The following INTS11 variants were observed in gnomAD, a reference collection of about 807,000 sequenced individuals.
INTS11 encodes CPSF3-like protein.
Under a neutral mutation model 78.6 loss-of-function variants are expected in INTS11, and 77 were observed. The ratio of observed to expected loss-of-function variants is 0.98; its 90% CI spans 0.81 to 1.18. INTS11 has a LOEUF of 1.18. Ranked by LOEUF, INTS11 falls within the 50% of genes most tolerant of loss-of-function variation. The pLI is 0.00. For synonymous variants in INTS11, 441 were observed against 326.9 expected (o/e 1.35, Z -3.77); for missense variants, 875 against 825.9 (o/e 1.06, Z -0.73).
rs778336713 is a variant in INTS11 at position 1,312,900 on chromosome 1, T to A, written c.1181A>T (p.Asp394Val). 2.5e-6 allele frequency: 4 copies of A among 1,612,584 alleles called. No homozygotes were observed. Among genetic ancestry groups the A allele is most frequent in the Non-Finnish European group, 3.4e-6 (4 of 1,179,840 alleles). The change falls in exon 12 of 17, where the codon GAC (aspartate) becomes GTC (valine). Residue 394 changes from aspartate (D) to valine (V), a missense_variant. By Grantham distance (152) the Asp-to-Val change is radical. Transcript: ENST00000435064. ...VEYMSFSAHA[D>V]AKGIMQLVGQ... ...CACCAGCTGCATGATGCCCTTGGCG[T>A]CCGCGTGTGCGCTGAATGACATGTA...
chr1:1,312,297 G>A lies in INTS11; in HGVS notation c.1536C>T (p.Thr512=), dbSNP rs1398794806. Residue 512 remains threonine (T), a synonymous_variant, in exon 15 of 17, where the codon ACC becomes ACT. Coordinates refer to ENST00000435064, the MANE Select transcript of INTS11 (RefSeq NM_017871.6). ...GTGTGTCATGCAGGTGCACGCGGCAGGTGAAGCGCAGCTGGTGCTCAGCCA... is the reference window on the plus strand; with the variant it reads ...GTGTGTCATGCAGGTGCACGCGGCAAGTGAAGCGCAGCTGGTGCTCAGCCA... ...LGLAEHQLRF[T]CRVHLHDTRK... 22 of 1,550,826 alleles carry A rather than the reference G, an allele frequency of 1.4e-5. No individual in the cohort carries two copies. The highest frequency in any genetic ancestry group is 1.8e-5 in the Non-Finnish European group (21 of 1,147,260).
chr1:1,322,516 C>T (rs184608968), intron 1 of INTS11, among the ~76,000 whole-genome samples: 16 of 114,158 alleles, frequency 1.4e-4, no homozygotes, highest in Non-Finnish European at 2.2e-4. Context: ...GAGACTGCTC[C>T]GAGAAGCCAA....
Position 1,314,209 on chromosome 1 carries a change from G to T in INTS11, c.767+92C>A. ...GGACAGCAGCAAGCAGGGCCAAGAT[G>T]CCACCGCTACGCTGGACAGGGCTGC... On this transcript the variant is annotated intron_variant, in intron 8 of 16. Transcript: ENST00000435064. This position sits in a 1 kb window ranked among gnomAD's most constrained non-coding sequence, Gnocchi z 4.2. The T allele has an allele frequency of 8.2e-7, 1 of 1,226,312 alleles. No individual in the cohort carries two copies. The highest frequency in any genetic ancestry group is 1.2e-6 in the Non-Finnish European group (1 of 851,870). 76.0% of individuals were successfully genotyped at this position (1,226,312 alleles called of 1,614,324 possible).
chr1:1,314,320 T>A lies in INTS11; in HGVS notation c.748A>T (p.Ile250Phe). ...FALGRAQELC[I>F]LLETFWERMN... ...ACCTACCAGAAGGTCTCCAGGAGGA[T>A]GCAGAGCTCCTGGGCGCGGCCCAGC... Residue 250 changes from isoleucine (I) to phenylalanine (F), a missense_variant, in exon 8 of 17, where the codon ATC (isoleucine) becomes TTC (phenylalanine). Physicochemically the swap from Ile to Phe is conservative, Grantham distance 21 (BLOSUM62 0). Transcript: ENST00000435064. The surrounding 1 kb of genome is among the most constrained non-coding windows in gnomAD (Gnocchi z 4.2). 6.2e-7 allele frequency: 1 copy of A among 1,605,150 alleles called. No individual in the cohort carries two copies. The highest frequency in any genetic ancestry group is 1.7e-5 in the Admixed American group (1 of 58,782).
Position 1,321,059 on chromosome 1 carries a change from C to G in INTS11, c.63G>C (p.Leu21=). 1 of 1,612,792 alleles carries G rather than the reference C, an allele frequency of 6.2e-7. No homozygotes were observed. Among genetic ancestry groups the G allele is most frequent in the Non-Finnish European group, 8.5e-7 (1 of 1,179,698 alleles). Residue 21 remains leucine, a synonymous_variant, in exon 2 of 17, where the codon CTG becomes CTC. Coordinates refer to ENST00000435064, the MANE Select transcript of INTS11 (RefSeq NM_017871.6). ...AGQDVGRSCI[L]VSIAGKNVML... ...TGACATTCTTGCCCGCAATGGAGAC[C>G]AGGATGCAGCTTCGGCCCACGTCCT... is the stretch of plus-strand genomic sequence containing the variant.
At chr1:1,313,984 G>A (rs1381837452) in intron 8 of INTS11, 63 bp from the exon 9 acceptor site, 34 of 1,534,268 alleles carry the variant, frequency 2.2e-5, no homozygotes, top group Middle Eastern at 1.7e-4. Context: ...GGCAGGACTC[G>A]GCCGGGTCAC....
rs1471622980 is a variant in INTS11 at position 1,311,833 on chromosome 1, G to A, written c.*26C>T. On this transcript the variant is annotated 3_prime_UTR_variant, in exon 17 of 17. Transcript: ENST00000435064. ...GTCTGTCCAGCTGGGAGAGGGCAGA[G>A]GTGGCGGCTGGGTGAGTTGCCGGCC... 2.6e-6 allele frequency: 4 copies of A among 1,537,102 alleles called. No individual in the cohort carries two copies. In the African/African-American group the frequency reaches 5.5e-5, roughly 21 times the overall value.
chr1:1,315,007 A>G, intron 6 of INTS11, 45 bp from the exon 7 acceptor site: 1 of 1,596,046 alleles, frequency 6.3e-7, no homozygotes, highest in Non-Finnish European at 8.6e-7. Flanking sequence ...CACTGTCCCC[A>G]CGGTTGCAGG....
chr1:1,316,934 AAAT>A (rs962736725), intron 4 of INTS11: 4 of 151,912 alleles, frequency 2.6e-5, no homozygotes, highest in African/African-American at 9.7e-5. Context: ...AAAAAAAAAT[AAAT>A]AAATAAAATT....
Position 1,312,213 on chromosome 1 carries a change from G to GGGGCCCCCCCCCCC in INTS11, c.1607+12_1607+13insGGGGGGGGGGGCCC. The GGGGCCCCCCCCCCC allele has an allele frequency of 6.4e-6, 6 of 934,514 alleles. No individual in the cohort carries two copies. The highest frequency in any genetic ancestry group is 7.9e-6 in the Non-Finnish European group (5 of 636,586). The allele number at this position is 934,514 out of a possible 1,614,324, so 57.9% of individuals were successfully genotyped here. Reference sequence around the variant, plus strand: ...CCCAAGGGAGTGGGGGGGGGGCGGGGCCGGGCGCCCACCTCTTGAGGTGGC... The same window carrying GGGGCCCCCCCCCCC: ...CCCAAGGGAGTGGGGGGGGGGCGGGGGGGCCCCCCCCCCCCCGGGCGCCCACCTCTTGAGGTGGC... On this transcript the variant is annotated intron_variant, in intron 15 of 16. Transcript: ENST00000435064.
At chr1:1,321,158 T>C in intron 1 of INTS11, 65 bp from the exon 2 acceptor site, 1 of 1,306,754 alleles carries the variant, frequency 7.7e-7, no homozygotes, top group Non-Finnish European at 1.1e-6. Context: ...CTCCCCAAGC[T>C]CTGCAGGACC....
intron 3 of INTS11, chr1:1,319,744 G>C: frequency 1.8e-6 from 1 of 569,480 alleles, no homozygotes; most frequent in South Asian, 2.2e-5. Context: ...TGAACACGTC[G>C]GTGACGGCGA....
chr1:1,323,785 G>C (rs972780851), intron 1 of INTS11, among the ~76,000 whole-genome samples: 1 of 141,982 alleles, frequency 7.0e-6, no homozygotes, highest in Non-Finnish European at 1.5e-5. Flanking sequence ...GGTAGAACAA[G>C]AGCTAAAGTG....
chr1:1,312,213 G>GGGCGGCC lies in INTS11; in HGVS notation c.1607+12_1607+13insGGCCGCC. ...CCCAAGGGAGTGGGGGGGGGGCGGG[G>GGGCGGCC]CCGGGCGCCCACCTCTTGAGGTGGC... On this transcript the variant is annotated intron_variant, in intron 15 of 16. Coordinates refer to ENST00000435064, the MANE Select transcript of INTS11 (RefSeq NM_017871.6). 1 of 934,628 alleles carries GGGCGGCC rather than the reference G, an allele frequency of 1.1e-6. No homozygotes were observed. Among genetic ancestry groups the GGGCGGCC allele is most frequent in the East Asian group, 2.9e-5 (1 of 34,242 alleles). The allele number at this position is 934,628 out of a possible 1,614,324, so 57.9% of individuals were successfully genotyped here. A position where few individuals can be genotyped will look rare whatever the true frequency, so the allele number is the denominator to read the frequency against.
chr1:1,312,539 C>T (rs568291011), intron 13 of INTS11, 38 bp from the exon 14 acceptor site: 32 of 1,577,198 alleles, frequency 2.0e-5, no homozygotes, highest in East Asian at 7.0e-5. Context: ...ATGTGAGGGC[C>T]GCTCCCAGCC....
chr1:1,313,289 C>T lies in INTS11; in HGVS notation c.1042-165G>A, dbSNP rs941225091. 7 of 914,294 alleles carry T rather than the reference C, an allele frequency of 7.7e-6. No individual in the cohort carries two copies. The African/African-American group carries it at 1.1e-4, about 15-fold the overall frequency. 56.6% of individuals were successfully genotyped at this position (914,294 alleles called of 1,614,324 possible). On this transcript the variant is annotated intron_variant, in intron 10 of 16. Transcript: ENST00000435064. ...AAAGGGCTCAGGTTTTGGCACAAGA[C>T]TGTCCAGGGCTGGGCTGGGGCTGTT...
Position 1,320,649 on chromosome 1 carries a change from A to C in INTS11, c.127-120T>G, listed in dbSNP as rs767144976. 17 of 1,002,058 alleles carry C rather than the reference A, an allele frequency of 1.7e-5. No individual in the cohort carries two copies. The African/African-American group carries it at 2.7e-4, about 16-fold the overall frequency. The allele number at this position is 1,002,058 out of a possible 1,614,324, so 62.1% of individuals were successfully genotyped here. On this transcript the variant is annotated intron_variant, in intron 2 of 16. Transcript: ENST00000435064. Reference sequence around the variant, plus strand: ...TTCTATGTGCAGACTCAGGCTGGGCACTCCCATCCCGCAGGTGGCACCAGG... The same window carrying C: ...TTCTATGTGCAGACTCAGGCTGGGCCCTCCCATCCCGCAGGTGGCACCAGG...
Position 1,324,589 on chromosome 1 carries a change from G to C in INTS11, c.20C>G (p.Thr7Arg), listed in dbSNP as rs1643226802. Residue 7 changes from threonine to arginine, a missense_variant, in exon 1 of 17, where the codon ACG (threonine) becomes AGG (arginine). By Grantham distance (71) the Thr-to-Arg change is moderately conservative. Transcript: ENST00000435064. ...CGGCGGCTCCCACTCACCCAAGGGC[G>C]TGACTCTGATCTCAGGCATCGTCTC... is the stretch of plus-strand genomic sequence containing the variant. MPEIRV[T>R]PLGAGQDVGR... 3.1e-6 allele frequency: 5 copies of C among 1,596,314 alleles called. No homozygotes were observed. Among genetic ancestry groups the C allele is most frequent in the Non-Finnish European group, 4.3e-6 (5 of 1,173,428 alleles).
chr1:1,321,986 T>G, intron 1 of INTS11: 2 of 1,251,436 alleles, frequency 1.6e-6, no homozygotes, highest in Non-Finnish European at 2.0e-6. Flanking sequence ...AGGGGCTGCC[T>G]GCCACAGAGA....
Sources: allele counts gnomAD v4.1 joint callset (sites outside exome capture counted in the v4.1 genomes callset), GRCh38; gene constraint gnomAD v4.1.1; non-coding constraint Gnocchi (gnomAD v3.1); transcripts MANE v1.5; gene names NCBI Gene and HGNC (gene_info 2026-07-23, HGNC 2026-07-21).